Variants in AQP7B observed in about 807,000 individuals in gnomAD.
AQP7B encodes the protein putative aquaporin-7B.
the AQP7B span, among the ~76,000 whole-genome samples, chr2:94,597,386 G>T: frequency 6.6e-6 from 1 of 152,106 alleles, no homozygotes; most frequent in African/African-American, 2.4e-5. Context: ...TCTTCCTTTT[G>T]TTGAGATTTT....
the AQP7B span, among the ~76,000 whole-genome samples, chr2:94,597,977 G>T: frequency 3.3e-5 from 5 of 152,104 alleles, no homozygotes; most frequent in Admixed American, 1.3e-4. Context: ...TTTAAAGACT[G>T]GCTTGTTAAT....
At chr2:94,588,996 T>C in the AQP7B span, among the ~76,000 whole-genome samples, 1 of 149,922 alleles carries the variant, frequency 6.7e-6, no homozygotes, top group South Asian at 2.1e-4. Flanking sequence ...TTTTTTTTTT[T>C]TTTTGAGATG....
At chr2:94,590,944 C>CA in the AQP7B span, among the ~76,000 whole-genome samples, 9,225 of 48,128 alleles carry the variant, frequency 0.19, 1,054 homozygotes, top group Non-Finnish European at 0.26. Flanking sequence ...GACCCTGTCT[C>CA]AAAAAAAAAA....
chr2:94,590,944 CAAA>C, the AQP7B span, among the ~76,000 whole-genome samples: 39 of 49,088 alleles, frequency 7.9e-4, no homozygotes, highest in African/African-American at 3.1e-3. Flanking sequence ...GACCCTGTCT[CAAA>C]AAAAAAAAAA....
chr2:94,603,856 G>C, the AQP7B span: 2 of 1,430,840 alleles, frequency 1.4e-6, no homozygotes, highest in South Asian at 1.2e-5. Context: ...CACAGGATAT[G>C]CCATCAATCC....
At chr2:94,603,366 A>G in the AQP7B span, 73 of 1,594,174 alleles carry the variant, frequency 4.6e-5, no homozygotes, top group East Asian at 1.3e-3. Flanking sequence ...TTCGCATGAT[A>G]GTCTGTGTCT....
the AQP7B span, among the ~76,000 whole-genome samples, chr2:94,600,588 T>C: frequency 6.6e-6 from 1 of 151,868 alleles, no homozygotes; most frequent in African/African-American, 2.4e-5. Flanking sequence ...ATTGAAAAAA[T>C]TAGCTGGGAT....
chr2:94,591,786 A>C, the AQP7B span, among the ~76,000 whole-genome samples: 2 of 150,524 alleles, frequency 1.3e-5, no homozygotes, highest in African/African-American at 4.9e-5. Flanking sequence ...AGGCTCCTTT[A>C]CCCTCCAGCC....
At chr2:94,600,109 A>C in the AQP7B span, among the ~76,000 whole-genome samples, 1 of 151,808 alleles carries the variant, frequency 6.6e-6, no homozygotes, top group Non-Finnish European at 1.5e-5. Flanking sequence ...ACCTAAAGTG[A>C]TCCATCCACC....
At chr2:94,592,103 G>C in the AQP7B span, among the ~76,000 whole-genome samples, 1 of 152,140 alleles carries the variant, frequency 6.6e-6, no homozygotes, top group East Asian at 1.9e-4. Flanking sequence ...AAGGAGCCAG[G>C]CTTCCAGGAC....
chr2:94,599,502 ACACTT>A, the AQP7B span, among the ~76,000 whole-genome samples: 1 of 151,808 alleles, frequency 6.6e-6, no homozygotes, highest in Non-Finnish European at 1.5e-5. Context: ...AAAATAATCA[ACACTT>A]CATATGTTCA....
the AQP7B span, among the ~76,000 whole-genome samples, chr2:94,594,196 T>G: frequency 6.6e-6 from 1 of 152,210 alleles, no homozygotes; most frequent in Non-Finnish European, 1.5e-5. Context: ...TGCTGACCCC[T>G]TCATTTTTGA....
chr2:94,597,369 G>A, the AQP7B span, among the ~76,000 whole-genome samples: 2 of 152,162 alleles, frequency 1.3e-5, no homozygotes, highest in Admixed American at 6.5e-5. Context: ...GCCCACATCT[G>A]TGTTTCTCTT....
At chr2:94,597,165 C>T in the AQP7B span, among the ~76,000 whole-genome samples, 3 of 152,172 alleles carry the variant, frequency 2.0e-5, no homozygotes, top group Non-Finnish European at 2.9e-5. Flanking sequence ...TCTTACCTCC[C>T]CACCTGCTTT....
At chr2:94,596,550 C>T in the AQP7B span, among the ~76,000 whole-genome samples, 2 of 152,290 alleles carry the variant, frequency 1.3e-5, no homozygotes, top group South Asian at 4.2e-4. Context: ...ACCAGTTGGC[C>T]TTGGGCAGGT....
At chr2:94,604,107 C>T in the AQP7B span, among the ~76,000 whole-genome samples, 1 of 152,160 alleles carries the variant, frequency 6.6e-6, no homozygotes, top group African/African-American at 2.4e-5. Flanking sequence ...GATCCTGCAC[C>T]TGCACTGAGT....
chr2:94,594,330 T>C, the AQP7B span, among the ~76,000 whole-genome samples: 5 of 152,216 alleles, frequency 3.3e-5, no homozygotes, highest in Admixed American at 3.3e-4. Context: ...GACCCCAAAG[T>C]TCTGGCTCTA....
chr2:94,603,748 A>C, the AQP7B span: 103 of 1,516,250 alleles, frequency 6.8e-5, no homozygotes, highest in Middle Eastern at 7.3e-4. Flanking sequence ...GTGTCTCTTC[A>C]CCATCACGGA....
the AQP7B span, among the ~76,000 whole-genome samples, chr2:94,598,327 T>C: frequency 2.9e-3 from 438 of 152,264 alleles, 2 homozygotes; most frequent in African/African-American, 9.8e-3. Context: ...GGGAAGTGGA[T>C]TGATCCGTGT....
Sources: gnomAD v4.1 joint callset for allele counts (sites outside exome capture counted in the v4.1 genomes callset) on GRCh38, gnomAD v4.1.1 for gene constraint, MANE v1.5 for transcripts, NCBI Gene and HGNC (gene_info 2026-07-23, HGNC 2026-07-21) for gene names.